Variants in SWT1 observed in about 807,000 individuals in gnomAD.
SWT1 encodes SWT1 RNA endoribonuclease homolog.
SWT1 carries 33 observed loss-of-function variants against 107.3 expected under a neutral mutation model. That is an observed-to-expected ratio of 0.31 (90% CI 0.23 to 0.41). SWT1 has a LOEUF of 0.41. SWT1 is among the 10% of genes least tolerant of loss of function. SWT1 has a pLI of 1.00. For synonymous variants in SWT1, 345 were observed against 348.3 expected (o/e 0.99, Z 0.11); for missense variants, 898 against 1,028.9 (o/e 0.87, Z 1.74).
chr1:185,258,176 G>T (rs775033744), intron 16 of SWT1, among the ~76,000 whole-genome samples: 1 of 151,908 alleles, frequency 6.6e-6, no homozygotes, highest in East Asian at 1.9e-4. Flanking sequence ...TATTCTTAAC[G>T]TAATAAATGT....
intron 10 of SWT1, among the ~76,000 whole-genome samples, chr1:185,198,394 G>A (rs972048178): frequency 1.3e-5 from 2 of 152,224 alleles, no homozygotes; most frequent in Non-Finnish European, 2.9e-5. Context: ...GCAATGTGCT[G>A]AGAAGAATGT....
At chr1:185,255,289 A>G (rs1376985674) in intron 16 of SWT1, among the ~76,000 whole-genome samples, 2 of 149,960 alleles carry the variant, frequency 1.3e-5, no homozygotes, top group Non-Finnish European at 3.0e-5. Flanking sequence ...GTAGATGTCT[A>G]TTAGGTCCAC....
chr1:185,238,915 T>C (rs116358291), intron 16 of SWT1, among the ~76,000 whole-genome samples: 1 of 152,226 alleles, frequency 6.6e-6, no homozygotes, highest in African/African-American at 2.4e-5. Context: ...AATTTAAAAT[T>C]AAATATTGAA....
In SWT1 at chr1:185,205,820, G is replaced by T. The variant is rs1397866987; in HGVS notation, c.1834-805G>T. ...ATCATCAGAAGATACTAGGAGTGTTGATATCTCATAGTAGAGATAAGGAAA... is the reference window on the plus strand; with the variant it reads ...ATCATCAGAAGATACTAGGAGTGTTTATATCTCATAGTAGAGATAAGGAAA... On this transcript the variant is annotated intron_variant, in intron 12 of 18. Coordinates refer to ENST00000367500, the MANE Select transcript of SWT1 (RefSeq NM_017673.7). Among the ~76,000 whole-genome samples the T allele has an allele frequency of 2.0e-5, 3 of 152,134 alleles. No individual in the cohort carries two copies. The South Asian group carries it at 6.2e-4, about 31-fold the overall frequency.
intron 2 of SWT1, among the ~76,000 whole-genome samples, chr1:185,161,425 C>A (rs2102292358): frequency 6.6e-6 from 1 of 152,150 alleles, no homozygotes; most frequent in South Asian, 2.1e-4. Flanking sequence ...TGTTTTGGGG[C>A]TGAGTGTGGT....
At position 185,268,410 on chromosome 1, in the gene SWT1, C is replaced by G. The variant is rs574124982; in HGVS notation, c.2442-2913C>G. On this transcript the variant is annotated intron_variant, in intron 16 of 18. Coordinates refer to ENST00000367500, the MANE Select transcript of SWT1 (RefSeq NM_017673.7). ...TGAAAAGTTGGAAGAGATGGCCAGA[C>G]GGACAAGAATGATATATTTTTCTTC... Among the ~76,000 whole-genome samples, 510 of 152,276 alleles carry G rather than the reference C, an allele frequency of 3.3e-3. 1 individual carries two copies. Among genetic ancestry groups the G allele is most frequent in the Non-Finnish European group, 5.6e-3 (383 of 68,014 alleles).
intron 14 of SWT1, among the ~76,000 whole-genome samples, chr1:185,221,057 AC>A (rs1659619666): frequency 5.3e-5 from 3 of 56,718 alleles, no homozygotes; most frequent in Admixed American, 4.4e-4. Flanking sequence ...ACAGACACAC[AC>A]ACACACACAC....
chr1:185,260,624 G>T (rs147156871), intron 16 of SWT1, among the ~76,000 whole-genome samples: 232 of 152,188 alleles, frequency 1.5e-3, no homozygotes, highest in African/African-American at 5.4e-3. Context: ...TAGATAGTAG[G>T]CTAAGGAGTG....
rs879918851 is a variant in SWT1 at position 185,227,408 on chromosome 1, C to A, written c.2310-4169C>A. 13 of 672,370 alleles carry A rather than the reference C, an allele frequency of 1.9e-5. No individual in the cohort carries two copies. The African/African-American group carries it at 2.1e-4, about 11-fold the overall frequency. The allele number at this position is 672,370 out of a possible 1,614,324, so 41.7% of individuals were successfully genotyped here. On this transcript the variant is annotated intron_variant, in intron 15 of 18. Coordinates refer to ENST00000367500, the MANE Select transcript of SWT1 (RefSeq NM_017673.7). ...CCAGCAGCAGGCCAGTACAATATGC[C>A]GCAGCATAATTTTTCAGGCCAGCCT...
chr1:185,240,664 G>A (rs1215750943), intron 16 of SWT1, among the ~76,000 whole-genome samples: 2 of 152,076 alleles, frequency 1.3e-5, no homozygotes, highest in South Asian at 4.1e-4. Flanking sequence ...TTTAGGAAAG[G>A]AAGATGATTA....
At chr1:185,198,917 T>TG (rs1657632750) in intron 10 of SWT1, among the ~76,000 whole-genome samples, 1 of 151,894 alleles carries the variant, frequency 6.6e-6, no homozygotes, top group African/African-American at 2.4e-5. Flanking sequence ...GTCTTTTAAT[T>TG]GGGGCATTTA....
chr1:185,219,038 A>C (rs1045661183), intron 14 of SWT1, among the ~76,000 whole-genome samples: 1 of 152,244 alleles, frequency 6.6e-6, no homozygotes, highest in Admixed American at 6.5e-5. Context: ...TGTATTTTAA[A>C]TATATTTGGT....
At chr1:185,284,440 C>T (rs1035191441) in intron 18 of SWT1, among the ~76,000 whole-genome samples, 4 of 152,152 alleles carry the variant, frequency 2.6e-5, no homozygotes, top group Admixed American at 2.6e-4. Context: ...TTTCCCCATA[C>T]CTAAGGAAAT....
At chr1:185,220,258 T>G (rs1659552995) in intron 14 of SWT1, among the ~76,000 whole-genome samples, 1 of 150,870 alleles carries the variant, frequency 6.6e-6, no homozygotes, top group Non-Finnish European at 1.5e-5. Flanking sequence ...TTTTTTTTTT[T>G]GCCAACTGCA....
intron 2 of SWT1, among the ~76,000 whole-genome samples, chr1:185,164,376 G>T (rs368625256): frequency 2.0e-5 from 3 of 152,162 alleles, no homozygotes; most frequent in Non-Finnish European, 4.4e-5. Flanking sequence ...GTCACCAACT[G>T]CATTAGCCCC....
Position 185,291,411 on chromosome 1 carries a change from G to T in SWT1, c.*608G>T, listed in dbSNP as rs1036948464. Reference sequence around the variant, plus strand: ...CCTTCTGTGGGCTTGTCACTTTTCAGTACATTTCTAGTGGGGAAGAGCAGG... The same window carrying T: ...CCTTCTGTGGGCTTGTCACTTTTCATTACATTTCTAGTGGGGAAGAGCAGG... On this transcript the variant is annotated 3_prime_UTR_variant, in exon 19 of 19. Coordinates refer to ENST00000367500, the MANE Select transcript of SWT1 (RefSeq NM_017673.7). 1 of 152,500 alleles carries T rather than the reference G, an allele frequency of 6.6e-6. No individual in the cohort carries two copies. The highest frequency in any genetic ancestry group is 2.4e-5 in the African/African-American group (1 of 41,414). The allele number at this position is 152,500 out of a possible 1,614,324, so 9.4% of individuals were successfully genotyped here. A position where few individuals can be genotyped will look rare whatever the true frequency, so the allele number is the denominator to read the frequency against.
intron 15 of SWT1, among the ~76,000 whole-genome samples, chr1:185,223,002 A>G (rs773218909): frequency 6.6e-6 from 1 of 152,208 alleles, no homozygotes; most frequent in Non-Finnish European, 1.5e-5. Flanking sequence ...ATAGTGCTAC[A>G]GCAGACACAG....
At chr1:185,183,911 T>C (rs1571439688) in intron 7 of SWT1, among the ~76,000 whole-genome samples, 1 of 152,186 alleles carries the variant, frequency 6.6e-6, no homozygotes, top group Admixed American at 6.6e-5. Context: ...TGGCCCCAGG[T>C]TTCCCGTGTA....
chr1:185,233,084 T>G (rs1422178574), intron 16 of SWT1, among the ~76,000 whole-genome samples: 4 of 152,178 alleles, frequency 2.6e-5, no homozygotes, highest in African/African-American at 7.2e-5. Context: ...CTCTCAGATT[T>G]ATTCAATCAG....
Sources: allele counts gnomAD v4.1 joint callset (sites outside exome capture counted in the v4.1 genomes callset), GRCh38; gene constraint gnomAD v4.1.1; transcripts MANE v1.5; gene names NCBI Gene and HGNC (gene_info 2026-07-23, HGNC 2026-07-21).